FAM227A: variants seen among roughly 807,000 people sequenced by gnomAD.
The protein encoded by FAM227A is family with sequence similarity 227 member A.
Under a neutral mutation model 74.7 loss-of-function variants are expected in FAM227A, and 80 were observed. The ratio of observed to expected loss-of-function variants is 1.07; its 90% confidence interval spans 0.89 to 1.29. FAM227A has a LOEUF of 1.29. Ranked by LOEUF, FAM227A falls within the 50% of genes most tolerant of loss-of-function variation. FAM227A has a pLI of 0.00. For missense variants in FAM227A, 654 were observed against 683.4 expected, an observed-to-expected ratio of 0.96 and a Z score of 0.48; for synonymous variants, 237 against 241.8, an observed-to-expected ratio of 0.98 and a Z score of 0.19.
At chr22:38,646,893 G>GT (rs1268499519) in intron 2 of FAM227A, among the ~76,000 whole-genome samples, 1 of 152,040 alleles carries the variant, frequency 6.6e-6, no homozygotes, top group East Asian at 1.9e-4. Flanking sequence ...GCTCACTCCT[G>GT]TAATCCCAGC....
rs1307544101 is a variant in FAM227A, at chr22:38,649,876, AAAAGAAAG to A, written c.142+143_142+150del. The stretch of plus-strand genomic sequence containing the variant: ...GTGTGAAACTCCATCTCAAAAAAAA[AAAAGAAAG>A]AAAAGAAAAGAAAAAATGAATGTAT... On this transcript the variant is annotated intron_variant, in intron 2 of 16. Transcript: ENST00000535113. The A allele has an allele frequency of 1.0e-3, 727 of 697,488 alleles. 1 individual carries two copies. The highest frequency in any genetic ancestry group is 1.8e-3 in the South Asian group (77 of 43,124). The allele number at this position is 697,488 out of a possible 1,614,324, so 43.2% of individuals were successfully genotyped here.
At chr22:38,641,343 C>T (rs924296560) in intron 3 of FAM227A, among the ~76,000 whole-genome samples, 2 of 151,970 alleles carry the variant, frequency 1.3e-5, no homozygotes, top group Non-Finnish European at 2.9e-5. Context: ...ATGCTTATTT[C>T]CTGGGTCTGC....
At chr22:38,611,243 C>T (rs2091407582) in intron 11 of FAM227A, among the ~76,000 whole-genome samples, 1 of 151,970 alleles carries the variant, frequency 6.6e-6, no homozygotes, top group Non-Finnish European at 1.5e-5. Flanking sequence ...GGCCACCCAG[C>T]TGCTCAGATT....
At chr22:38,595,327 T>A (rs2091022123) in intron 15 of FAM227A, among the ~76,000 whole-genome samples, 1 of 152,118 alleles carries the variant, frequency 6.6e-6, no homozygotes, top group Non-Finnish European at 1.5e-5. Flanking sequence ...CTCGCCCTCC[T>A]TGGCCAGATA....
At chr22:38,623,111 T>A in intron 10 of FAM227A, 61 bp downstream of exon 10, 2 of 1,160,138 alleles carry the variant, frequency 1.7e-6, no homozygotes, top group South Asian at 2.7e-5. Context: ...CCTCCCTCAG[T>A]TAGATAGTGG....
intron 7 of FAM227A, among the ~76,000 whole-genome samples, 190 bp downstream of exon 7, chr22:38,628,644 G>T (rs1241383327): frequency 2.6e-5 from 4 of 152,146 alleles, no homozygotes; most frequent in Non-Finnish European, 4.4e-5. Flanking sequence ...GGAGCCGCAG[G>T]GCATTGTGCA....
At chr22:38,598,467 G>C (rs1173468838) in intron 14 of FAM227A, among the ~76,000 whole-genome samples, 1 of 152,166 alleles carries the variant, frequency 6.6e-6, no homozygotes, top group East Asian at 1.9e-4. Context: ...TGTCTTTAGA[G>C]AACAATGAAG....
rs1040514475 is a variant in FAM227A, at chr22:38,580,651, T to C, written c.*5474A>G. 1 of 152,236 alleles carries C rather than the reference T, an allele frequency of 6.6e-6. No individual in the cohort carries two copies. The highest frequency in any genetic ancestry group is 2.4e-5 in the African/African-American group (1 of 41,460). The allele number at this position is 152,236 out of a possible 1,614,324, so 9.4% of individuals were successfully genotyped here. A position where few individuals can be genotyped will look rare whatever the true frequency, so the allele number is the denominator to read the frequency against. On this transcript the variant is annotated 3_prime_UTR_variant, in exon 17 of 17. Transcript: ENST00000535113. ...ATTGTTTCTAAAGACAAGTTTCTGT[T>C]CCACTACTATTTGGTTACCTGGTAA...
chr22:38,613,063 G>C (rs1337478017), intron 11 of FAM227A, among the ~76,000 whole-genome samples: 4 of 95,202 alleles, frequency 4.2e-5, no homozygotes, highest in Non-Finnish European at 7.7e-5. Flanking sequence ...TTATATATAT[G>C]TAAATATATT....
At chr22:38,610,085 T>C (rs897218429) in intron 11 of FAM227A, among the ~76,000 whole-genome samples, 5 of 152,120 alleles carry the variant, frequency 3.3e-5, no homozygotes, top group Admixed American at 6.6e-5. Context: ...TTTTTGTTTG[T>C]TTTTAAGAGA....
At chr22:38,636,774 T>A (rs915036092) in intron 5 of FAM227A, among the ~76,000 whole-genome samples, 177 bp from the exon 6 acceptor site, 51 of 149,690 alleles carry the variant, frequency 3.4e-4, no homozygotes, top group East Asian at 1.7e-3. Context: ...TTATTTCTTT[T>A]TTTTTTTTTT....
intron 1 of FAM227A, among the ~76,000 whole-genome samples, chr22:38,651,847 C>T (rs2092328157): frequency 6.6e-6 from 1 of 152,132 alleles, no homozygotes; most frequent in Admixed American, 6.6e-5. Flanking sequence ...CTTCTGCCCT[C>T]ATGGAGCACA....
At chr22:38,636,717 T>C in intron 5 of FAM227A, 120 bp from the exon 6 acceptor site, 1 of 923,256 alleles carries the variant, frequency 1.1e-6, no homozygotes, top group Non-Finnish European at 1.6e-6. Flanking sequence ...GTTGAGAAAA[T>C]GAGGGGTGTT....
At chr22:38,613,385 T>TTA (rs1555960290) in intron 11 of FAM227A, among the ~76,000 whole-genome samples, 1 of 44,776 alleles carries the variant, frequency 2.2e-5, no homozygotes, top group Non-Finnish European at 3.7e-5. Flanking sequence ...ATAACATATA[T>TTA]TATATAATAT....
At chr22:38,602,825 G>C (rs1043083763) in intron 13 of FAM227A, among the ~76,000 whole-genome samples, 2 of 152,070 alleles carry the variant, frequency 1.3e-5, no homozygotes, top group Non-Finnish European at 2.9e-5. Flanking sequence ...GTTTTTGAGG[G>C]GGAGATCTGG....
rs1467037233 is a variant in FAM227A at position 38,639,734 on chromosome 22, C to A, written c.226-10G>T. On this transcript the variant is annotated splice_polypyrimidine_tract_variant and intron_variant, in intron 3 of 16. Transcript: ENST00000535113. ...CAAATCTCTCAATTGCCTTCAAAAA[C>A]CAAGAAAAAGGGGGGCATTAGGGAT... 1 of 1,538,938 alleles carries A rather than the reference C, an allele frequency of 6.5e-7. No homozygotes were observed. The highest frequency in any genetic ancestry group is 2.4e-5 in the East Asian group (1 of 40,850).
At chr22:38,609,921 G>A (rs1217355331) in intron 11 of FAM227A, among the ~76,000 whole-genome samples, 10 of 152,036 alleles carry the variant, frequency 6.6e-5, no homozygotes, top group Non-Finnish European at 1.3e-4. Context: ...ACGGGCGCCC[G>A]CCACCACGCT....
intron 8 of FAM227A, among the ~76,000 whole-genome samples, chr22:38,626,905 T>C (rs2091820987): frequency 9.4e-6 from 1 of 106,834 alleles, no homozygotes; most frequent in Non-Finnish European, 1.8e-5. Context: ...TATATATATA[T>C]ATATATATAC....
At chr22:38,613,312 C>CAAATATATATCAT (rs1655246040) in intron 11 of FAM227A, among the ~76,000 whole-genome samples, 1 of 56,542 alleles carries the variant, frequency 1.8e-5, no homozygotes, top group African/African-American at 8.8e-5. Flanking sequence ...TAATATATAA[C>CAAATATATATCAT]ATATAATATA....
Sources: gnomAD v4.1 joint callset for allele counts (sites outside exome capture counted in the v4.1 genomes callset) on GRCh38, gnomAD v4.1.1 for gene constraint, MANE v1.5 for transcripts, NCBI Gene and HGNC (gene_info 2026-07-23, HGNC 2026-07-21) for gene names.